PAAF1: variants seen among roughly 807,000 people sequenced by gnomAD.
PAAF1 encodes proteasomal ATPase-associated factor 1.
A neutral mutation model predicts 52.8 loss-of-function variants in PAAF1; 46 were observed. That is an observed-to-expected ratio of 0.87 (90% CI 0.69 to 1.11). The LOEUF (loss-of-function observed/expected upper bound fraction) is 1.11. PAAF1 is among the 50% of genes most tolerant of loss of function. PAAF1 has a pLI of 0.00. For synonymous variants in PAAF1, 178 were observed against 172.8 expected, an observed-to-expected ratio of 1.03 and a Z score of -0.24; for missense variants, 424 against 477.4, an observed-to-expected ratio of 0.89 and a Z score of 1.04.
In PAAF1 at chr11:73,897,471, G is replaced by C. The variant is rs372073780; in HGVS notation, c.283-1675G>C. On this transcript the variant is annotated intron_variant, in intron 4 of 11. Coordinates refer to ENST00000310571, the MANE Select transcript of PAAF1 (RefSeq NM_025155.3). ...GAGGGTCTCCTCACTTCTCAGACGG[G>C]GCGGCCGGGCAGAGACGCTCCTCAC... Among the ~76,000 whole-genome samples the C allele has an allele frequency of 5.7e-3, 862 of 151,746 alleles. 35 individuals carry two copies. In the East Asian group the frequency reaches 0.071, roughly 13 times the overall value.
At chr11:73,917,930 A>G (rs1950109830) in intron 9 of PAAF1, among the ~76,000 whole-genome samples, 1 of 152,154 alleles carries the variant, frequency 6.6e-6, no homozygotes, top group Non-Finnish European at 1.5e-5. Context: ...CTAATGGTAA[A>G]GATGGACAAG....
At chr11:73,897,589 C>A (rs916486956) in intron 4 of PAAF1, among the ~76,000 whole-genome samples, 1 of 151,496 alleles carries the variant, frequency 6.6e-6, no homozygotes, top group South Asian at 2.1e-4. Context: ...GATGTGATGG[C>A]GGCCGGGAAG....
chr11:73,895,384 T>C (rs1175245823), intron 4 of PAAF1, among the ~76,000 whole-genome samples: 4 of 152,196 alleles, frequency 2.6e-5, no homozygotes, highest in Non-Finnish European at 5.9e-5. Flanking sequence ...CAGCAAGCAA[T>C]TGGATAGATA....
intron 2 of PAAF1, chr11:73,880,575 T>G (rs1948868705): frequency 6.7e-6 from 1 of 148,326 alleles, no homozygotes. Flanking sequence ...TAGTCCCAGC[T>G]ACTCGGGAGC....
At chr11:73,901,933 G>A (rs1278383568) in intron 6 of PAAF1, among the ~76,000 whole-genome samples, 3 of 144,378 alleles carry the variant, frequency 2.1e-5, no homozygotes, top group Non-Finnish European at 4.5e-5. Context: ...ATGCCAGCTC[G>A]GCTCACTGCA....
chr11:73,877,657 T>G (rs1948780698), intron 1 of PAAF1, among the ~76,000 whole-genome samples: 1 of 152,142 alleles, frequency 6.6e-6, no homozygotes, highest in East Asian at 1.9e-4. Context: ...AAACTGAGAT[T>G]GGTGGATCAG....
chr11:73,885,070 G>A (rs1949023963), intron 2 of PAAF1, among the ~76,000 whole-genome samples: 1 of 151,478 alleles, frequency 6.6e-6, no homozygotes, highest in African/African-American at 2.4e-5. Flanking sequence ...CGTTTTAGCC[G>A]GGATGGTCTC....
chr11:73,921,063 G>A (rs1950203488), intron 10 of PAAF1, among the ~76,000 whole-genome samples: 1 of 152,002 alleles, frequency 6.6e-6, no homozygotes, highest in South Asian at 2.1e-4. Context: ...ACTTTGGGAG[G>A]TCAAGGCGGG....
chr11:73,878,046 A>G (rs1352176494), intron 1 of PAAF1, among the ~76,000 whole-genome samples: 2 of 152,204 alleles, frequency 1.3e-5, no homozygotes, highest in Non-Finnish European at 2.9e-5. Context: ...GGGTTTTTCA[A>G]ATTGAAACAA....
rs759166346 is a variant in PAAF1, at chr11:73,927,315, T to A, written c.1132T>A (p.Cys378Ser). 3.7e-6 allele frequency: 6 copies of A among 1,614,064 alleles called. No individual in the cohort carries two copies. In the East Asian group the frequency reaches 1.3e-4, roughly 36 times the overall value. ...CACATGGGAGAAGCAGATCTACACA[T>A]GCTGTCGAGACGGTCTTGTACGACG... ...VATWEKQIYT[C>S]CRDGLVRRYQ... The change falls in exon 12 of 12, where the codon TGC becomes AGC. Residue 378 changes from cysteine to serine, a missense_variant. Physicochemically the swap from Cys to Ser is moderately radical, Grantham distance 112. Transcript: ENST00000310571.
chr11:73,894,800 T>C (rs1334619489), intron 4 of PAAF1, among the ~76,000 whole-genome samples: 1 of 152,058 alleles, frequency 6.6e-6, no homozygotes, highest in Non-Finnish European at 1.5e-5. Flanking sequence ...CTCCAGCCTG[T>C]GTTACTGAGC....
At chr11:73,926,096 T>A (rs916797143) in intron 11 of PAAF1, among the ~76,000 whole-genome samples, 1 of 150,156 alleles carries the variant, frequency 6.7e-6, no homozygotes, top group Non-Finnish European at 1.5e-5. Flanking sequence ...TATAGATCTA[T>A]TTCTTTCTTT....
At chr11:73,907,433 G>A (rs1205143080) in intron 6 of PAAF1, among the ~76,000 whole-genome samples, 2 of 152,138 alleles carry the variant, frequency 1.3e-5, no homozygotes, top group African/African-American at 4.8e-5. Flanking sequence ...TTGGTCCTGT[G>A]TCATCTTCTT....
At chr11:73,881,340 G>A (rs143571930) in intron 2 of PAAF1, among the ~76,000 whole-genome samples, 16 of 152,310 alleles carry the variant, frequency 1.1e-4, no homozygotes, top group Admixed American at 3.3e-4. Context: ...AGGCTGGAAT[G>A]CAGTGGCATG....
At chr11:73,911,268 T>G (rs771082710) in intron 7 of PAAF1, among the ~76,000 whole-genome samples, 18 of 152,168 alleles carry the variant, frequency 1.2e-4, no homozygotes, top group Admixed American at 5.9e-4. Context: ...AATAATCCTC[T>G]GTACTCTGTT....
intron 6 of PAAF1, among the ~76,000 whole-genome samples, chr11:73,903,043 G>T (rs1484524985): frequency 6.6e-6 from 1 of 152,182 alleles, no homozygotes; most frequent in African/African-American, 2.4e-5. Context: ...TCATGTAGTT[G>T]TTCCATTCTT....
intron 1 of PAAF1, among the ~76,000 whole-genome samples, chr11:73,878,188 G>A (rs1054226602): frequency 1.3e-5 from 2 of 152,138 alleles, no homozygotes; most frequent in Admixed American, 6.5e-5. Flanking sequence ...AAGTAATAAA[G>A]AACAATAACA....
intron 3 of PAAF1, chr11:73,889,354 TA>T: frequency 1.6e-6 from 1 of 623,312 alleles, no homozygotes; most frequent in Non-Finnish European, 2.4e-6. Context: ...TCATTATGCT[TA>T]AATGTCTAAC....
chr11:73,916,527 C>T lies in PAAF1; in HGVS notation c.820-18C>T. 1 of 1,541,096 alleles carries T rather than the reference C, an allele frequency of 6.5e-7. No individual in the cohort carries two copies. The highest frequency in any genetic ancestry group is 1.8e-5 in the Admixed American group (1 of 55,966). On this transcript the variant is annotated intron_variant, in intron 8 of 11. Transcript: ENST00000310571. ...AATTAATCTTTAAACAGCATTTTTG[C>T]CTCCTACTTGTTCCCAGGTGTTCCT...
Sources: allele counts gnomAD v4.1 joint callset (sites outside exome capture counted in the v4.1 genomes callset), GRCh38; gene constraint gnomAD v4.1.1; transcripts MANE v1.5; gene names NCBI Gene and HGNC (gene_info 2026-07-23, HGNC 2026-07-21).